MEGF11: variants seen among roughly 807,000 people sequenced by gnomAD.
The protein encoded by MEGF11 is multiple EGF like domains 11.
In MEGF11, 126 loss-of-function variants were observed where a neutral mutation model predicts 146.6. The observed-to-expected ratio is 0.86, with a 90% CI of 0.74 to 1.00. The LOEUF is 1.00. MEGF11 is among the 50% of genes least tolerant of loss of function. MEGF11 has a pLI of 0.00. For synonymous variants in MEGF11, 532 were observed against 583.4 expected, an observed-to-expected ratio of 0.91 and a Z score of 1.27; for missense variants, 1,509 against 1,521.2, an observed-to-expected ratio of 0.99 and a Z score of 0.13.
chr15:65,901,545 G>A (rs2078494958), intron 24 of MEGF11, among the ~76,000 whole-genome samples: 1 of 152,000 alleles, frequency 6.6e-6, no homozygotes, highest in East Asian at 1.9e-4. Flanking sequence ...CAATCAAGAT[G>A]TTTTCCCTCA....
intron 1 of MEGF11, among the ~76,000 whole-genome samples, chr15:66,196,731 C>G (rs1365263360): frequency 1.3e-5 from 2 of 152,144 alleles, no homozygotes; most frequent in African/African-American, 4.8e-5. Flanking sequence ...TTGCCTGTGG[C>G]AACTGTAGGT....
intron 10 of MEGF11, among the ~76,000 whole-genome samples, chr15:65,956,788 G>C (rs1326785293): frequency 6.6e-6 from 1 of 152,154 alleles, no homozygotes; most frequent in Non-Finnish European, 1.5e-5. Context: ...ACTCTCCCTC[G>C]TAATCAGAGA....
At chr15:66,143,428 A>C (rs566032117) in intron 1 of MEGF11, among the ~76,000 whole-genome samples, 1 of 151,644 alleles carries the variant, frequency 6.6e-6, no homozygotes, top group South Asian at 2.1e-4. Context: ...CCCTCAGTCT[A>C]CTCCCTGTCC....
chr15:65,983,419 A>G lies in MEGF11; in HGVS notation c.395-931T>C, dbSNP rs964426527. Among the ~76,000 whole-genome samples the G allele has an allele frequency of 9.2e-5, 14 of 152,336 alleles. No individual in the cohort carries two copies. In the East Asian group the frequency reaches 2.1e-3, roughly 23 times the overall value. On this transcript the variant is annotated intron_variant, in intron 5 of 25. Transcript: ENST00000395614. ...TGACCCTCCCCGATGCATATGGGAC[A>G]CACAATAACAAGATGTCCTCAGTTA...
intron 1 of MEGF11, among the ~76,000 whole-genome samples, chr15:66,248,553 G>A (rs1272585030): frequency 6.6e-6 from 1 of 152,172 alleles, no homozygotes; most frequent in African/African-American, 2.4e-5. Flanking sequence ...AGGTACAGGG[G>A]ATATATTCCC....
intron 1 of MEGF11, among the ~76,000 whole-genome samples, chr15:66,229,537 CAA>C (rs771096859): frequency 1.2e-4 from 18 of 152,352 alleles, no homozygotes; most frequent in East Asian, 3.9e-4. Context: ...TATCGGTAGC[CAA>C]GAGAGAGCTG....
At chr15:65,980,676 G>T in intron 7 of MEGF11, 102 bp downstream of exon 7, 1 of 1,413,120 alleles carries the variant, frequency 7.1e-7, no homozygotes, top group Non-Finnish European at 9.3e-7. Flanking sequence ...TGGGATTACA[G>T]TCACGAGTAC....
intron 5 of MEGF11, among the ~76,000 whole-genome samples, chr15:66,002,755 G>A (rs1181988220): frequency 1.3e-5 from 2 of 151,972 alleles, no homozygotes; most frequent in South Asian, 2.1e-4. Flanking sequence ...CAGGCTGTTC[G>A]CAGACCTCAG....
At position 66,065,685 on chromosome 15, in the gene MEGF11, G is replaced by A. The variant is rs139368124; in HGVS notation, c.394+28717C>T. ...CGAGTGTGGCTTAATGGCCTCCTGCGGCTCTTTGCATTATTGATTGCAATA... is the reference window on the plus strand; with the variant it reads ...CGAGTGTGGCTTAATGGCCTCCTGCAGCTCTTTGCATTATTGATTGCAATA... On this transcript the variant is annotated intron_variant, in intron 5 of 25. Transcript: ENST00000395614. Among the ~76,000 whole-genome samples the A allele has an allele frequency of 5.3e-3, 806 of 152,286 alleles. 25 individuals are homozygous for A. The highest frequency in any genetic ancestry group is 0.046 in the Admixed American group (707 of 15,298).
At chr15:66,216,034 G>A (rs563372308) in intron 1 of MEGF11, among the ~76,000 whole-genome samples, 6 of 152,280 alleles carry the variant, frequency 3.9e-5, no homozygotes, top group East Asian at 1.9e-4. Flanking sequence ...AACTGCCTGC[G>A]AGGTGATTAG....
intron 1 of MEGF11, among the ~76,000 whole-genome samples, chr15:66,157,987 T>G (rs888367574): frequency 1.3e-5 from 2 of 152,246 alleles, no homozygotes; most frequent in Non-Finnish European, 2.9e-5. Context: ...AATCCATGAA[T>G]GTACCTCCCG....
chr15:66,172,652 G>A (rs893047518), intron 1 of MEGF11, among the ~76,000 whole-genome samples: 17 of 152,204 alleles, frequency 1.1e-4, no homozygotes, highest in African/African-American at 3.6e-4. Context: ...CCACTCCAGG[G>A]GCTGCACCAC....
intron 5 of MEGF11, among the ~76,000 whole-genome samples, chr15:66,067,647 G>A (rs542155644): frequency 6.6e-6 from 1 of 152,316 alleles, no homozygotes; most frequent in Admixed American, 6.5e-5. Flanking sequence ...GGCTCCCACT[G>A]TAGGGAGGAA....
intron 24 of MEGF11, among the ~76,000 whole-genome samples, chr15:65,903,555 A>G (rs1596812953): frequency 6.6e-6 from 1 of 152,308 alleles, no homozygotes; most frequent in East Asian, 1.9e-4. Context: ...AGAAACCAAG[A>G]CCCAGAAAAC....
intron 1 of MEGF11, among the ~76,000 whole-genome samples, chr15:66,152,325 T>C (rs2089600304): frequency 1.3e-5 from 2 of 151,908 alleles, no homozygotes; most frequent in South Asian, 4.2e-4. Context: ...GAGACAAAGA[T>C]AAAGGGTATG....
chr15:65,963,843 G>C (rs1166646587), intron 9 of MEGF11, among the ~76,000 whole-genome samples: 2 of 152,218 alleles, frequency 1.3e-5, no homozygotes, highest in African/African-American at 4.8e-5. Flanking sequence ...ACATGCCTCT[G>C]CTTGCAGTGA....
intron 5 of MEGF11, among the ~76,000 whole-genome samples, chr15:65,999,020 C>T (rs116800485): frequency 1.4e-3 from 216 of 151,586 alleles, no homozygotes; most frequent in African/African-American, 4.9e-3. Flanking sequence ...CAAAGGACAA[C>T]GCTTGTCCTC....
intron 5 of MEGF11, among the ~76,000 whole-genome samples, chr15:66,013,988 G>A (rs1409646988): frequency 6.6e-6 from 1 of 152,190 alleles, no homozygotes; most frequent in Admixed American, 6.5e-5. Context: ...GCTTTGAGCA[G>A]AGGAGGGCCA....
chr15:66,119,116 C>T lies in MEGF11; in HGVS notation c.271G>A (p.Gly91Ser). The change falls in exon 4 of 26, where the codon GGC becomes AGC. Residue 91 changes from glycine to serine, a missense_variant. Gly to Ser is a moderately conservative substitution (Grantham distance 56). Transcript: ENST00000395614. ...MYRRRSQCCP[G>S]YYESGDFCIP... ...CAGAAGTCTCCGCTCTCATAGTAGC[C>T]AGGGCAGCACTGGGACCTCCGCCGG... 1 of 1,551,480 alleles carries T rather than the reference C, an allele frequency of 6.4e-7. No homozygotes were observed. The highest frequency in any genetic ancestry group is 8.7e-7 in the Non-Finnish European group (1 of 1,146,960).
Sources: allele counts gnomAD v4.1 joint callset (sites outside exome capture counted in the v4.1 genomes callset), GRCh38; gene constraint gnomAD v4.1.1; transcripts MANE v1.5; gene names NCBI Gene and HGNC (gene_info 2026-07-23, HGNC 2026-07-21).